Variants in LRRC28 observed in about 807,000 individuals in gnomAD.
LRRC28 encodes leucine rich repeat containing 28.
Under a neutral mutation model 45.7 loss-of-function variants are expected in LRRC28, and 39 were observed. The observed-to-expected ratio is 0.85, with a 90% CI of 0.66 to 1.12. LRRC28 has a LOEUF of 1.12. Ranked by LOEUF, LRRC28 falls within the 50% of genes most tolerant of loss-of-function variation. LRRC28 has a pLI of 0.00. For missense variants in LRRC28, 435 were observed against 438.5 expected (o/e 0.99, Z 0.07); for synonymous variants, 206 against 178.8 (o/e 1.15, Z -1.22).
chr15:99,278,100 C>CT (rs1205531995), intron 3 of LRRC28, among the ~76,000 whole-genome samples: 1 of 152,132 alleles, frequency 6.6e-6, no homozygotes, highest in Non-Finnish European at 1.5e-5. Context: ...CAGGTATACT[C>CT]TTATGTTGGA....
At chr15:99,325,851 G>A (rs985500689) in intron 5 of LRRC28, among the ~76,000 whole-genome samples, 1 of 152,162 alleles carries the variant, frequency 6.6e-6, no homozygotes, top group African/African-American at 2.4e-5. Flanking sequence ...GCAGCAGAAA[G>A]CCAGGGCAGA....
chr15:99,269,794 GT>G lies in LRRC28; in HGVS notation c.169-6781del, dbSNP rs530232365. 2.6e-4 allele frequency among the ~76,000 whole-genome samples: 39 copies of G among 152,338 alleles called. No homozygotes were observed. The East Asian group carries it at 7.3e-3, about 29-fold the overall frequency. On this transcript the variant is annotated intron_variant, in intron 2 of 9. Coordinates refer to ENST00000301981, the MANE Select transcript of LRRC28 (RefSeq NM_144598.5). The stretch of plus-strand genomic sequence containing the variant: ...AGTGCTTCATAGCCACATGTGGCTA[GT>G]GTCTGCCATATTGGACAACACAGAT...
chr15:99,343,519 G>C (rs926416988), intron 6 of LRRC28, among the ~76,000 whole-genome samples: 1 of 152,172 alleles, frequency 6.6e-6, no homozygotes, highest in Non-Finnish European at 1.5e-5. Flanking sequence ...ACTTTGATCT[G>C]TGAGTTTGGA....
chr15:99,361,595 TAAA>T lies in LRRC28; in HGVS notation c.871+92_871+94del. The stretch of plus-strand genomic sequence containing the variant: ...GTGCACCTGTTTTGGCGTTCATCTT[TAAA>T]AAAAAAATTATTGTGGTAAAATACA... On this transcript the variant is annotated intron_variant, in intron 8 of 9. Coordinates refer to ENST00000301981, the MANE Select transcript of LRRC28 (RefSeq NM_144598.5). 4 of 1,180,318 alleles carry T rather than the reference TAAA, an allele frequency of 3.4e-6. No homozygotes were observed. In the South Asian group the frequency reaches 7.7e-5, roughly 23 times the overall value. 73.1% of individuals were successfully genotyped at this position (1,180,318 alleles called of 1,614,324 possible).
At chr15:99,332,668 C>G (rs1956197671) in intron 5 of LRRC28, among the ~76,000 whole-genome samples, 1 of 152,136 alleles carries the variant, frequency 6.6e-6, no homozygotes, top group Admixed American at 6.5e-5. Flanking sequence ...GCAGGCAGGA[C>G]AAGAGCAGGC....
At position 99,266,951 on chromosome 15, in the gene LRRC28, A is replaced by G. The variant is rs556693188; in HGVS notation, c.169-9625A>G. The stretch of plus-strand genomic sequence containing the variant: ...TTAAAGTTGGAGATGGATGGAGAGT[A>G]TGAGGGTAGGGGTGGAGGCTGAAAG... On this transcript the variant is annotated intron_variant, in intron 2 of 9. Coordinates refer to ENST00000301981, the MANE Select transcript of LRRC28 (RefSeq NM_144598.5). 6.2e-4 allele frequency among the ~76,000 whole-genome samples: 94 copies of G among 152,330 alleles called. 1 individual carries two copies. Among genetic ancestry groups the G allele is most frequent in the African/African-American group, 1.9e-3 (81 of 41,574 alleles).
At chr15:99,329,742 T>A (rs1956098946) in intron 5 of LRRC28, among the ~76,000 whole-genome samples, 1 of 152,220 alleles carries the variant, frequency 6.6e-6, no homozygotes, top group Non-Finnish European at 1.5e-5. Context: ...GGTTGACCCA[T>A]CATAGTTTTT....
chr15:99,314,453 A>C (rs1434377293), intron 5 of LRRC28, among the ~76,000 whole-genome samples: 1 of 151,854 alleles, frequency 6.6e-6, no homozygotes, highest in Non-Finnish European at 1.5e-5. Flanking sequence ...AAATAAATAA[A>C]TAAATAAATA....
chr15:99,317,648 G>A (rs1955644134), intron 5 of LRRC28: 1 of 152,008 alleles, frequency 6.6e-6, no homozygotes, highest in African/African-American at 2.4e-5. Context: ...TTTTTGGGGT[G>A]TTGTTTTGAA....
chr15:99,302,257 G>A (rs989273275), intron 5 of LRRC28, among the ~76,000 whole-genome samples: 1 of 152,052 alleles, frequency 6.6e-6, no homozygotes. Context: ...TCGATCTCCT[G>A]ACCTCATGAT....
intron 2 of LRRC28, chr15:99,258,671 G>T: frequency 1.4e-6 from 1 of 735,326 alleles, no homozygotes; most frequent in South Asian, 1.4e-5. Context: ...AGAAGTAGAA[G>T]ATGAATACAA....
At chr15:99,282,177 G>GTTTTTTTTTTTTTTGTTTTTTTTTT (rs1555555141) in intron 3 of LRRC28, among the ~76,000 whole-genome samples, 1 of 98,048 alleles carries the variant, frequency 1.0e-5, no homozygotes, top group African/African-American at 4.8e-5. Context: ...ATTTTTGGAG[G>GTTTTTTTTTTTTTTGTTTTTTTTTT]TTTTTTTTTT....
At chr15:99,375,974 CT>C (rs1957618499) in intron 9 of LRRC28, among the ~76,000 whole-genome samples, 1 of 151,462 alleles carries the variant, frequency 6.6e-6, no homozygotes, top group African/African-American at 2.4e-5. Flanking sequence ...TTATTTTGTC[CT>C]TTTTTTAGGT....
chr15:99,270,886 A>C (rs1452804830), intron 2 of LRRC28, among the ~76,000 whole-genome samples: 1 of 152,254 alleles, frequency 6.6e-6, no homozygotes, highest in Non-Finnish European at 1.5e-5. Context: ...CCAGCAGTGC[A>C]CAATGGTTCC....
rs78722325 is a variant in LRRC28, at chr15:99,328,742, T to C, written c.386-5181T>C. Among the ~76,000 whole-genome samples the C allele has an allele frequency of 3.1e-3, 467 of 149,642 alleles. 2 individuals carry two copies. Among genetic ancestry groups the C allele is most frequent in the African/African-American group, 0.011 (438 of 40,348 alleles). ...TACTGAAGGTGAATTGGTCTGTGTCTCAGAGAAGGGACAGCCTTTTCTCCT... is the reference window on the plus strand; with the variant it reads ...TACTGAAGGTGAATTGGTCTGTGTCCCAGAGAAGGGACAGCCTTTTCTCCT... On this transcript the variant is annotated intron_variant, in intron 5 of 9. Transcript: ENST00000301981.
rs186952736 is a variant in LRRC28 at position 99,281,583 on chromosome 15, A to G, written c.209+4967A>G. ...TGTCATACTGGTTCTATTTGTACTG[A>G]CTGATTTTTCTCCTGGTTATGGGTC... is the stretch of plus-strand genomic sequence containing the variant. On this transcript the variant is annotated intron_variant, in intron 3 of 9. Transcript: ENST00000301981. Among the ~76,000 whole-genome samples the G allele has an allele frequency of 1.1e-4, 16 of 152,004 alleles. No homozygotes were observed. In the East Asian group the frequency reaches 2.1e-3, roughly 20 times the overall value.
intron 3 of LRRC28, chr15:99,284,964 C>T (rs535452329): frequency 2.9e-5 from 18 of 621,172 alleles, no homozygotes; most frequent in South Asian, 4.1e-5. Flanking sequence ...ACCACCTCCA[C>T]GACCACCATC....
intron 2 of LRRC28, 49 bp from the exon 3 acceptor site, chr15:99,276,527 T>C: frequency 7.0e-7 from 1 of 1,429,282 alleles, no homozygotes. Context: ...TTAGAAATGT[T>C]TAGACATTTT....
chr15:99,273,642 AT>A (rs2081543271), intron 2 of LRRC28, among the ~76,000 whole-genome samples: 1 of 152,244 alleles, frequency 6.6e-6, no homozygotes, highest in Non-Finnish European at 1.5e-5. Flanking sequence ...TAATAAAGAC[AT>A]AGAGATGCTC....
Sources: allele counts gnomAD v4.1 joint callset (sites outside exome capture counted in the v4.1 genomes callset), GRCh38; gene constraint gnomAD v4.1.1; transcripts MANE v1.5; gene names NCBI Gene and HGNC (gene_info 2026-07-23, HGNC 2026-07-21).